Variants in ANKMY1 observed in about 807,000 individuals in gnomAD.
ANKMY1 encodes the protein ankyrin repeat and MYND domain containing 1.
In ANKMY1, 98 loss-of-function variants were observed where a neutral mutation model predicts 102.0. The ratio of observed to expected loss-of-function variants is 0.96; its 90% CI spans 0.82 to 1.14. The LOEUF (loss-of-function observed/expected upper bound fraction) is 1.14, where lower values mean the gene tolerates loss of function less well. Among genes scored for constraint, ANKMY1 ranks in the 50% most tolerant of loss-of-function variants. ANKMY1 has a pLI of 0.00. For missense variants in ANKMY1, 1,330 were observed against 1,347.6 expected (o/e 0.99, Z 0.20); for synonymous variants, 582 against 559.9 (o/e 1.04, Z -0.56).
rs531237569 is a variant in ANKMY1 at position 240,553,261 on chromosome 2, G to C, written c.337-204C>G. 4.8e-4 allele frequency: 295 copies of C among 608,664 alleles called. No individual in the cohort carries two copies. The African/African-American group carries it at 5.1e-3, about 11-fold the overall frequency. The allele number at this position is 608,664 out of a possible 1,614,324, so 37.7% of individuals were successfully genotyped here. A position where few individuals can be genotyped will look rare whatever the true frequency, so the allele number is the denominator to read the frequency against. ...TACCAGGCAGTCAGCCTGATAGCCAGGCTCCCTCTCTGTCTTCTCCTCAGG... is the reference window on the plus strand; with the variant it reads ...TACCAGGCAGTCAGCCTGATAGCCACGCTCCCTCTCTGTCTTCTCCTCAGG... On this transcript the variant is annotated intron_variant, in intron 3 of 17. Coordinates refer to ENST00000401804, the MANE Select transcript of ANKMY1 (RefSeq NM_001282771.3).
intron 4 of ANKMY1, among the ~76,000 whole-genome samples, chr2:240,544,513 G>A (rs2089837792): frequency 6.6e-6 from 1 of 152,210 alleles, no homozygotes; most frequent in Non-Finnish European, 1.5e-5. Flanking sequence ...AGCCAAGATG[G>A]CTGAATAGGA....
intron 12 of ANKMY1, 149 bp from the exon 13 acceptor site, chr2:240,507,840 C>T (rs2079371317): frequency 1.1e-6 from 1 of 911,368 alleles, no homozygotes; most frequent in Non-Finnish European, 1.6e-6. Context: ...GGATCCTACC[C>T]ACAGTGGGTC....
intron 15 of ANKMY1, among the ~76,000 whole-genome samples, chr2:240,487,615 G>T (rs1313085401): frequency 6.6e-6 from 1 of 150,668 alleles, no homozygotes; most frequent in African/African-American, 2.5e-5. Flanking sequence ...CCTTTCCTTG[G>T]CATCCTTTCT....
chr2:240,540,056 C>A (rs1427788605), intron 4 of ANKMY1, among the ~76,000 whole-genome samples: 1 of 152,242 alleles, frequency 6.6e-6, no homozygotes, highest in Non-Finnish European at 1.5e-5. Flanking sequence ...CACCTGCAGG[C>A]CATCAATCTT....
intron 4 of ANKMY1, among the ~76,000 whole-genome samples, chr2:240,539,140 G>C (rs2087849034): frequency 6.6e-6 from 1 of 152,166 alleles, no homozygotes; most frequent in African/African-American, 2.4e-5. Context: ...CACTGTGAAA[G>C]CTTTGTTCTT....
intron 4 of ANKMY1, among the ~76,000 whole-genome samples, chr2:240,537,652 C>T (rs2087163508): frequency 6.6e-6 from 1 of 152,198 alleles, no homozygotes; most frequent in Admixed American, 6.5e-5. Flanking sequence ...CACGGAGGCC[C>T]GTGTTTCATG....
chr2:240,505,928 G>A (rs892650537), intron 13 of ANKMY1, among the ~76,000 whole-genome samples: 1 of 152,072 alleles, frequency 6.6e-6, no homozygotes, highest in Non-Finnish European at 1.5e-5. Flanking sequence ...ACCATTTAAG[G>A]GAGGTTTAAA....
At chr2:240,557,092 A>T (rs2092426193) in intron 2 of ANKMY1, 98 bp downstream of exon 2, 1 of 1,288,942 alleles carries the variant, frequency 7.8e-7, no homozygotes, top group Non-Finnish European at 1.0e-6. Flanking sequence ...AGGGAGTAAC[A>T]CAGTTCAGGG....
chr2:240,540,811 A>G (rs1418616404), intron 4 of ANKMY1, among the ~76,000 whole-genome samples: 3 of 152,228 alleles, frequency 2.0e-5, no homozygotes, highest in Admixed American at 6.5e-5. Flanking sequence ...CAAGGAACGC[A>G]TTGCTCGTGC....
At chr2:240,514,041 T>A (rs1180128696) in intron 9 of ANKMY1, among the ~76,000 whole-genome samples, 2 of 152,198 alleles carry the variant, frequency 1.3e-5, no homozygotes, top group Non-Finnish European at 2.9e-5. Flanking sequence ...CACGGGGCCG[T>A]GCATCTACAA....
At chr2:240,515,647 G>T (rs1451163203) in intron 9 of ANKMY1, among the ~76,000 whole-genome samples, 3 of 152,142 alleles carry the variant, frequency 2.0e-5, no homozygotes, top group African/African-American at 7.2e-5. Flanking sequence ...ATTAAAATTA[G>T]CTTTAACATT....
chr2:240,530,857 G>A (rs185531336), intron 4 of ANKMY1, among the ~76,000 whole-genome samples: 1 of 152,104 alleles, frequency 6.6e-6, no homozygotes, highest in African/African-American at 2.4e-5. Context: ...AGGCTGCAGT[G>A]AGCTATGATC....
chr2:240,480,711 A>G (rs1347178475), intron 17 of ANKMY1, among the ~76,000 whole-genome samples: 1 of 152,308 alleles, frequency 6.6e-6, no homozygotes, highest in Admixed American at 6.5e-5. Context: ...GTCCCCTTCC[A>G]GGACGAGGAC....
intron 4 of ANKMY1, among the ~76,000 whole-genome samples, chr2:240,552,163 A>C (rs2091630635): frequency 1.3e-5 from 2 of 152,224 alleles, no homozygotes; most frequent in Admixed American, 6.5e-5. Context: ...CTGCACCTCC[A>C]AATTACAGCC....
intron 15 of ANKMY1, among the ~76,000 whole-genome samples, chr2:240,496,352 TTAGATAGATAGATAGATAGATAGA>T (rs55671912): frequency 4.0e-4 from 59 of 147,528 alleles, no homozygotes; most frequent in Middle Eastern, 3.4e-3. Context: ...GGTACTCTAA[TTAGATAGATAGATAGATAGATAGA>T]TAGATAGATA....
In ANKMY1 at chr2:240,529,391, C is replaced by T; in HGVS notation, c.599G>A (p.Ser200Asn). Reference sequence around the variant, plus strand: ...AGGGTATCTGAGGAGGGAGAAGCCACTGGGGATCTGGGTGCACAGCTTGAT... The same window carrying T: ...AGGGTATCTGAGGAGGGAGAAGCCATTGGGGATCTGGGTGCACAGCTTGAT... ...QLIKLCTQIP[S>N]GFSLLRYPEF... is the part of the protein sequence containing the mutation. The change falls in exon 5 of 18, where the codon AGT becomes AAT. Residue 200 changes from serine (S) to asparagine (N), a missense_variant. Ser to Asn is a conservative substitution (Grantham distance 46, BLOSUM62 1). Transcript: ENST00000401804. This position sits in a 1 kb window ranked among gnomAD's most constrained non-coding sequence, Gnocchi z 4.2. The T allele has an allele frequency of 1.2e-6, 2 of 1,614,158 alleles. No homozygotes were observed. Among genetic ancestry groups the T allele is most frequent in the African/African-American group, 2.7e-5 (2 of 75,044 alleles).
At chr2:240,518,790 A>G (rs1239200627) in intron 9 of ANKMY1, among the ~76,000 whole-genome samples, 1 of 152,240 alleles carries the variant, frequency 6.6e-6, no homozygotes, top group Non-Finnish European at 1.5e-5. Flanking sequence ...GAGTCCAATC[A>G]GTAAACCTAA....
At chr2:240,553,803 G>A (rs2125151722) in intron 3 of ANKMY1, 1 of 152,342 alleles carries the variant, frequency 6.6e-6, no homozygotes. Flanking sequence ...GCTGAGGCAG[G>A]AGAATCACTA....
chr2:240,552,824 A>G (rs1298084627), intron 4 of ANKMY1, 90 bp downstream of exon 4: 2 of 1,590,734 alleles, frequency 1.3e-6, no homozygotes, highest in Non-Finnish European at 1.7e-6. Context: ...AAACAAATAA[A>G]CTTCCCCAGG....
Sources: gnomAD v4.1 joint callset for allele counts (sites outside exome capture counted in the v4.1 genomes callset) on GRCh38, gnomAD v4.1.1 for gene constraint, Gnocchi (gnomAD v3.1) non-coding constraint, MANE v1.5 for transcripts, NCBI Gene and HGNC (gene_info 2026-07-23, HGNC 2026-07-21) for gene names.